Variants in PLEKHM2 observed in about 807,000 individuals in gnomAD.
PLEKHM2 encodes the protein pleckstrin homology and RUN domain containing M2, also known as pleckstrin homology domain-containing family M member 2.
Under a neutral mutation model 116.3 loss-of-function variants are expected in PLEKHM2, and 77 were observed. The observed-to-expected ratio is 0.66, with a 90% CI of 0.55 to 0.80. The LOEUF is 0.80. Among genes scored for constraint, PLEKHM2 ranks in the 30% least tolerant of loss-of-function variants. The pLI is 0.00. For synonymous variants in PLEKHM2, 562 were observed against 571.0 expected (o/e 0.98, Z 0.22); for missense variants, 1,183 against 1,354.9 (o/e 0.87, Z 1.99).
At chr1:15,725,639 C>A (rs2068054747) in intron 8 of PLEKHM2, 94 bp downstream of exon 8, 1 of 884,994 alleles carries the variant, frequency 1.1e-6, no homozygotes, top group South Asian at 1.6e-5. Context: ...GACCGGGACA[C>A]CCCCTGAGGG....
intron 1 of PLEKHM2, among the ~76,000 whole-genome samples, chr1:15,712,498 C>T (rs1162458878): frequency 6.6e-6 from 1 of 152,044 alleles, no homozygotes; most frequent in African/African-American, 2.4e-5. Context: ...ATGGTCACTG[C>T]AATATTATGT....
At chr1:15,706,964 G>A (rs1641238911) in intron 1 of PLEKHM2, among the ~76,000 whole-genome samples, 2 of 152,088 alleles carry the variant, frequency 1.3e-5, no homozygotes, top group African/African-American at 4.8e-5. Flanking sequence ...CTCCTCAGCC[G>A]AGCCTATCAC....
chr1:15,718,310 G>A (rs1284637445), intron 4 of PLEKHM2, among the ~76,000 whole-genome samples: 1 of 152,260 alleles, frequency 6.6e-6, no homozygotes, highest in East Asian at 1.9e-4. Context: ...AGCCTGACAA[G>A]CCTTGTGCTC....
intron 8 of PLEKHM2, 68 bp from the exon 9 acceptor site, chr1:15,726,946 C>T (rs1224495500): frequency 1.5e-5 from 17 of 1,097,956 alleles, no homozygotes; most frequent in Admixed American, 3.1e-5. Context: ...GCCACCGTGA[C>T]CCAGCCTGGT....
At chr1:15,694,801 A>C (rs978906194) in intron 1 of PLEKHM2, among the ~76,000 whole-genome samples, 2 of 150,366 alleles carry the variant, frequency 1.3e-5, no homozygotes, top group East Asian at 3.9e-4. Context: ...TCTGTTGCCC[A>C]GGCTGGAGGG....
chr1:15,704,641 T>G (rs528027734), intron 1 of PLEKHM2, among the ~76,000 whole-genome samples: 1 of 152,296 alleles, frequency 6.6e-6, no homozygotes, highest in South Asian at 2.1e-4. Flanking sequence ...AATGCCTCAT[T>G]TGCTGATGCG....
intron 1 of PLEKHM2, 36 bp downstream of exon 1, chr1:15,684,654 C>T: frequency 9.0e-7 from 1 of 1,115,448 alleles, no homozygotes; most frequent in Non-Finnish European, 1.1e-6. Context: ...GGGCCCCTTC[C>T]TCGCCGCGCC....
At chr1:15,694,091 T>C (rs1640941613) in intron 1 of PLEKHM2, among the ~76,000 whole-genome samples, 1 of 152,138 alleles carries the variant, frequency 6.6e-6, no homozygotes, top group Non-Finnish European at 1.5e-5. Context: ...TGGTGGCTCA[T>C]GTCTGTAATC....
chr1:15,728,860 C>A lies in PLEKHM2; in HGVS notation c.1986+127C>A. The A allele has an allele frequency of 7.8e-6, 7 of 893,298 alleles. No individual in the cohort carries two copies. The South Asian group carries it at 1.1e-4, about 13-fold the overall frequency. The allele number at this position is 893,298 out of a possible 1,614,324, so 55.3% of individuals were successfully genotyped here. On this transcript the variant is annotated intron_variant, in intron 12 of 19. Coordinates refer to ENST00000375799, the MANE Select transcript of PLEKHM2 (RefSeq NM_015164.4). The surrounding 1 kb of genome is among the most constrained non-coding windows in gnomAD (Gnocchi z 5.9). ...CCCGGGGTTGGGCACCAACTTAACT[C>A]TCAGAGAGGCTTCTGTACACGATGC...
chr1:15,733,855 C>G lies in PLEKHM2; in HGVS notation c.2981C>G (p.Ala994Gly). ...EASNKKKFEDALSLIHSAWQR... is the reference protein window; with the variant it reads ...EASNKKKFEDGLSLIHSAWQR... ...TCCAACAAGAAGAAATTCGAGGATGCCTTGAGCCTCATCCACAGCGCCTGG... is the reference window on the plus strand; with the variant it reads ...TCCAACAAGAAGAAATTCGAGGATGGCTTGAGCCTCATCCACAGCGCCTGG... The change falls in exon 20 of 20, where the codon GCC becomes GGC. Residue 994 changes from alanine (A) to glycine (G), a missense_variant. By Grantham distance (60) the Ala-to-Gly change is moderately conservative. Transcript: ENST00000375799. 6.2e-7 allele frequency: 1 copy of G among 1,613,098 alleles called. No homozygotes were observed. Among genetic ancestry groups the G allele is most frequent in the Non-Finnish European group, 8.5e-7 (1 of 1,179,836 alleles).
chr1:15,684,680 C>T, intron 1 of PLEKHM2, 62 bp downstream of exon 1: 1 of 1,020,104 alleles, frequency 9.8e-7, no homozygotes, highest in Non-Finnish European at 1.2e-6. Context: ...CGCCCTCCGG[C>T]GGCGCTCTCC....
rs759813805 is a variant in PLEKHM2, at chr1:15,727,123, G to A, written c.1051G>A (p.Gly351Ser). Residue 351 changes from glycine (G) to serine (S), a missense_variant, in exon 9 of 20, where the codon GGT (glycine) becomes AGT (serine). By Grantham distance (56) the Gly-to-Ser change is moderately conservative (BLOSUM62 0). This residue lies in a region of PLEKHM2 where 372 missense variants were observed against 357.2 expected (regional missense o/e 1.04). Transcript: ENST00000375799. The surrounding 1 kb of genome is among the most constrained non-coding windows in gnomAD (Gnocchi z 7.5). ...SQKKCAKQGD[G>S]DSRNGSPSLG... ...GAAGAAATGTGCCAAGCAGGGGGAC[G>A]GTGACAGCCGCAACGGCAGCCCAAG... is the stretch of plus-strand genomic sequence containing the variant. 2.0e-5 allele frequency: 31 copies of A among 1,586,574 alleles called. No homozygotes were observed. Among genetic ancestry groups the A allele is most frequent in the Non-Finnish European group, 2.5e-5 (29 of 1,165,730 alleles).
chr1:15,713,241 A>T (rs1641371609), intron 1 of PLEKHM2, among the ~76,000 whole-genome samples: 2 of 152,140 alleles, frequency 1.3e-5, no homozygotes, highest in African/African-American at 4.8e-5. Flanking sequence ...GGCATGAGCC[A>T]CCACTCGTGG....
chr1:15,728,205 C>T lies in PLEKHM2; in HGVS notation c.1830+57C>T. On this transcript the variant is annotated intron_variant, in intron 10 of 19. Coordinates refer to ENST00000375799, the MANE Select transcript of PLEKHM2 (RefSeq NM_015164.4). The surrounding 1 kb of genome is among the most constrained non-coding windows in gnomAD (Gnocchi z 5.9). ...GACGGCAAGGGCAAGGCGGGATGGG[C>T]CACCGCCCCCGCTGGAGCGGCAGGA... 6.2e-7 allele frequency: 1 copy of T among 1,602,132 alleles called. No individual in the cohort carries two copies. The highest frequency in any genetic ancestry group is 1.1e-5 in the South Asian group (1 of 90,464).
At chr1:15,685,557 A>AAAAAAAAAAAAAAAAAAAAAAG (rs1553157089) in intron 1 of PLEKHM2, among the ~76,000 whole-genome samples, 1 of 147,952 alleles carries the variant, frequency 6.8e-6, no homozygotes, top group African/African-American at 2.6e-5. Context: ...AAAAAAAAAA[A>AAAAAAAAAAAAAAAAAAAAAAG]AAAGAAAGAA....
intron 1 of PLEKHM2, among the ~76,000 whole-genome samples, chr1:15,692,738 C>T (rs868620188): frequency 1.2e-4 from 18 of 151,748 alleles, no homozygotes; most frequent in Admixed American, 2.0e-4. Context: ...TGTCCATGCC[C>T]CATTCACTTT....
intron 6 of PLEKHM2, chr1:15,720,366 G>T (rs570967121): frequency 1.0e-6 from 1 of 985,072 alleles, no homozygotes; most frequent in Non-Finnish European, 1.2e-6. Flanking sequence ...GGTCTGAAGC[G>T]CAGGGAAACC....
In PLEKHM2 at chr1:15,689,628, CACTT is replaced by C. The variant is rs545065254; in HGVS notation, c.60+5013_60+5016del. 2.4e-3 allele frequency among the ~76,000 whole-genome samples: 361 copies of C among 152,332 alleles called. 2 individuals are homozygous for C. Among genetic ancestry groups the C allele is most frequent in the Non-Finnish European group, 4.0e-3 (271 of 68,038 alleles). ...GATAATTCAATTATATGAGAGAACA[CACTT>C]ACAGCACTTAGCACAATACCTTGCT... is the stretch of plus-strand genomic sequence containing the variant. On this transcript the variant is annotated intron_variant, in intron 1 of 19. Coordinates refer to ENST00000375799, the MANE Select transcript of PLEKHM2 (RefSeq NM_015164.4).
chr1:15,732,716 AACCATCTATCAGGT>A lies in PLEKHM2; in HGVS notation c.2914_2922+5del. Reference sequence around the variant, plus strand: ...TGTCTGCACTGAACTCTGGGTGGAAAACCATCTATCAGGTACCCAGCTGCCCAGGAAACCCATTA... The same window carrying A: ...TGTCTGCACTGAACTCTGGGTGGAAAACCCAGCTGCCCAGGAAACCCATTA... On this transcript the variant is annotated splice_donor_variant and coding_sequence_variant, in exon 19 of 20. Transcript: ENST00000375799. LOFTEE classifies it high-confidence loss of function. 6.2e-7 allele frequency: 1 copy of A among 1,606,154 alleles called. No individual in the cohort carries two copies.
Sources: allele counts gnomAD v4.1 joint callset (sites outside exome capture counted in the v4.1 genomes callset), GRCh38; gene constraint gnomAD v4.1.1; regional missense constraint gnomAD v4.1.1; non-coding constraint Gnocchi (gnomAD v3.1); transcripts MANE v1.5; gene names NCBI Gene and HGNC (gene_info 2026-07-23, HGNC 2026-07-21).